PCDHA11: variants seen among roughly 807,000 people sequenced by gnomAD.
The protein encoded by PCDHA11 is protocadherin alpha-11.
Under a neutral mutation model 70.3 loss-of-function variants are expected in PCDHA11, and 61 were observed. The observed-to-expected ratio is 0.87, with a 90% CI of 0.71 to 1.07. The LOEUF (loss-of-function observed/expected upper bound fraction) is 1.07. PCDHA11 is among the 50% of genes least tolerant of loss of function. The pLI is 0.00. For missense variants in PCDHA11, 1,324 were observed against 1,237.5 expected (o/e 1.07, Z -1.05); for synonymous variants, 633 against 555.1 (o/e 1.14, Z -1.97).
chr5:140,897,540 A>C (rs1554187435), intron 1 of PCDHA11, among the ~76,000 whole-genome samples: 1 of 152,052 alleles, frequency 6.6e-6, no homozygotes, highest in Non-Finnish European at 1.5e-5. Flanking sequence ...ATGGCTGCAT[A>C]GTCTTCCATG....
At chr5:140,919,653 C>T (rs917457975) in intron 1 of PCDHA11, among the ~76,000 whole-genome samples, 1 of 152,158 alleles carries the variant, frequency 6.6e-6, no homozygotes, top group South Asian at 2.1e-4. Context: ...CTAGAGTTTA[C>T]CATATATATT....
At chr5:140,962,716 G>A (rs1268660102) in intron 1 of PCDHA11, among the ~76,000 whole-genome samples, 2 of 152,304 alleles carry the variant, frequency 1.3e-5, no homozygotes, top group East Asian at 3.9e-4. Context: ...ATATTGGAAA[G>A]TATTTTCCTT....
intron 1 of PCDHA11, among the ~76,000 whole-genome samples, chr5:140,917,340 T>TG (rs2078149834): frequency 7.5e-6 from 1 of 132,986 alleles, no homozygotes; most frequent in Non-Finnish European, 1.6e-5. Context: ...AGGGGGGGGA[T>TG]GGTGTAGGCT....
intron 1 of PCDHA11, chr5:140,877,832 C>T (rs782156769): frequency 1.9e-6 from 3 of 1,591,692 alleles, no homozygotes; most frequent in African/African-American, 2.7e-5. Flanking sequence ...TTAAATCCTC[C>T]CAGTGAAGTA....
At chr5:140,898,961 G>A (rs1405112699) in intron 1 of PCDHA11, among the ~76,000 whole-genome samples, 1 of 152,036 alleles carries the variant, frequency 6.6e-6, no homozygotes, top group African/African-American at 2.4e-5. Flanking sequence ...AGTTGTGAAT[G>A]GGAGTTCACT....
Position 141,009,995 on chromosome 5 carries a change from C to T in PCDHA11, c.*58C>T, listed in dbSNP as rs1178395504. 6.3e-7 allele frequency: 1 copy of T among 1,576,476 alleles called. No individual in the cohort carries two copies. The highest frequency in any genetic ancestry group is 8.6e-7 in the Non-Finnish European group (1 of 1,165,244). ...TTTTTGTAATAATGGCAAATCTCTC[C>T]CATGTAGCAATTCCCTGCTCCTTTT... On this transcript the variant is annotated 3_prime_UTR_variant, in exon 4 of 4. Coordinates refer to ENST00000398640, the MANE Select transcript of PCDHA11 (RefSeq NM_018902.5).
At chr5:140,875,608 G>C in intron 1 of PCDHA11, 1 of 1,613,844 alleles carries the variant, frequency 6.2e-7, no homozygotes, top group Non-Finnish European at 8.5e-7. Context: ...CACCTTCGTG[G>C]GCCGCATCGC....
At chr5:140,885,349 AG>A (rs2060568168) in intron 1 of PCDHA11, among the ~76,000 whole-genome samples, 1 of 152,206 alleles carries the variant, frequency 6.6e-6, no homozygotes, top group African/African-American at 2.4e-5. Context: ...GATTTCCAAA[AG>A]GTACTGGTGA....
intron 1 of PCDHA11, chr5:140,926,614 C>A (rs2083406581): frequency 5.3e-6 from 2 of 377,642 alleles, no homozygotes; most frequent in Admixed American, 4.4e-5. Context: ...TCTCTGCACC[C>A]CTAGGCGGCG....
chr5:140,870,512 G>A lies in PCDHA11; in HGVS notation c.1409G>A (p.Gly470Asp). Reference protein sequence around the residue: ...TVFVKENNPPGCHIFTVSARD... With the variant: ...TVFVKENNPPDCHIFTVSARD... Reference sequence around the variant, plus strand: ...TTCGTGAAGGAGAACAACCCACCAGGCTGCCACATCTTCACAGTGTCGGCG... The same window carrying A: ...TTCGTGAAGGAGAACAACCCACCAGACTGCCACATCTTCACAGTGTCGGCG... The change falls in exon 1 of 4, where the codon GGC becomes GAC. Residue 470 changes from glycine to aspartate, a missense_variant. Transcript: ENST00000398640. 1 of 1,614,224 alleles carries A rather than the reference G, an allele frequency of 6.2e-7. No homozygotes were observed. Among genetic ancestry groups the A allele is most frequent in the Non-Finnish European group, 8.5e-7 (1 of 1,180,038 alleles).
intron 1 of PCDHA11, chr5:140,928,699 G>C (rs782291734): frequency 1.2e-6 from 2 of 1,614,170 alleles, no homozygotes; most frequent in East Asian, 2.2e-5. Flanking sequence ...CATCTCCCGG[G>C]CGTCTGACTC....
At chr5:140,921,681 C>T (rs1554200353) in intron 1 of PCDHA11, among the ~76,000 whole-genome samples, 1 of 152,136 alleles carries the variant, frequency 6.6e-6, no homozygotes, top group East Asian at 1.9e-4. Context: ...TATCATCAAA[C>T]ACTGGCCACC....
intron 3 of PCDHA11, among the ~76,000 whole-genome samples, chr5:141,003,290 G>A (rs1302166316): frequency 1.3e-5 from 2 of 152,176 alleles, no homozygotes; most frequent in Non-Finnish European, 2.9e-5. Flanking sequence ...TTGGATTATA[G>A]GATTACATGA....
rs1554164527 is a variant in PCDHA11, at chr5:140,870,655, G to A, written c.1552G>A (p.Ala518Thr). The A allele has an allele frequency of 6.2e-7, 1 of 1,612,540 alleles. No individual in the cohort carries two copies. The highest frequency in any genetic ancestry group is 8.5e-7 in the Non-Finnish European group (1 of 1,179,770). The part of the protein sequence containing the change: ...SVHAESGKVY[A>T]LQPLDHEELE... Reference sequence around the variant, plus strand: ...GCACGCGGAGAGCGGCAAGGTGTACGCGCTGCAGCCGTTGGACCACGAGGA... The same window carrying A: ...GCACGCGGAGAGCGGCAAGGTGTACACGCTGCAGCCGTTGGACCACGAGGA... The change falls in exon 1 of 4, where the codon GCG (alanine) becomes ACG (threonine). Residue 518 changes from alanine (A) to threonine (T), a missense_variant. Ala to Thr is a moderately conservative substitution (Grantham distance 58). Transcript: ENST00000398640.
At chr5:140,893,780 C>G (rs966071281) in intron 1 of PCDHA11, among the ~76,000 whole-genome samples, 1 of 151,980 alleles carries the variant, frequency 6.6e-6, no homozygotes. Flanking sequence ...TTTCTTTTAC[C>G]GTTTTTAGAA....
At chr5:140,990,736 C>G (rs181451094) in intron 3 of PCDHA11, among the ~76,000 whole-genome samples, 22 of 152,218 alleles carry the variant, frequency 1.4e-4, no homozygotes, top group African/African-American at 5.3e-4. Flanking sequence ...TATCAACAGC[C>G]CTAGGGTGGA....
chr5:140,968,758 T>C, intron 1 of PCDHA11: 1 of 1,614,150 alleles, frequency 6.2e-7, no homozygotes, highest in South Asian at 1.1e-5. Flanking sequence ...TGGTCCGAGA[T>C]AATGGAGAGC....
intron 1 of PCDHA11, among the ~76,000 whole-genome samples, chr5:140,970,553 C>T (rs1349644785): frequency 5.9e-5 from 9 of 152,122 alleles, no homozygotes; most frequent in South Asian, 2.1e-4. Flanking sequence ...GTTGTGTGTT[C>T]GTCTCCATAT....
intron 1 of PCDHA11, among the ~76,000 whole-genome samples, chr5:140,974,980 G>C (rs149148015): frequency 6.6e-6 from 1 of 152,090 alleles, no homozygotes; most frequent in African/African-American, 2.4e-5. Flanking sequence ...TGAGTTGTCC[G>C]CTCAGGTATT....
Sources: allele counts gnomAD v4.1 joint callset (sites outside exome capture counted in the v4.1 genomes callset), GRCh38; gene constraint gnomAD v4.1.1; transcripts MANE v1.5; gene names NCBI Gene and HGNC (gene_info 2026-07-23, HGNC 2026-07-21).